Variants in CTNNA2 observed in about 807,000 individuals in gnomAD.
CTNNA2 encodes the protein catenin alpha 2, also known as catenin alpha-2.
A neutral mutation model predicts 101.0 loss-of-function variants in CTNNA2; 42 were observed. The observed-to-expected ratio is 0.42, with a 90% CI of 0.32 to 0.54. The LOEUF is 0.54. Among genes scored for constraint, CTNNA2 ranks in the 20% least tolerant of loss-of-function variants. CTNNA2 has a pLI of 0.14. For synonymous variants in CTNNA2, 450 were observed against 456.4 expected, an observed-to-expected ratio of 0.99 and a Z score of 0.18; for missense variants, 871 against 1,223.1, an observed-to-expected ratio of 0.71 and a Z score of 4.29.
chr2:79,820,258 T>A (rs1239580593), intron 3 of CTNNA2, among the ~76,000 whole-genome samples: 1 of 152,224 alleles, frequency 6.6e-6, no homozygotes, highest in Non-Finnish European at 1.5e-5. Flanking sequence ...TGTTAGTGCA[T>A]CTTCTATTAA....
intron 2 of CTNNA2, among the ~76,000 whole-genome samples, chr2:79,264,976 T>C (rs931979637): frequency 1.1e-4 from 16 of 152,276 alleles, no homozygotes; most frequent in African/African-American, 3.6e-4. Context: ...CCATCTGCTC[T>C]GCTTCTGTAC....
At chr2:80,075,979 G>A (rs1302505730) in intron 7 of CTNNA2, among the ~76,000 whole-genome samples, 2 of 151,672 alleles carry the variant, frequency 1.3e-5, no homozygotes, top group South Asian at 2.1e-4. Flanking sequence ...GTAGTTTAAG[G>A]ACTTTACCTT....
intron 7 of CTNNA2, among the ~76,000 whole-genome samples, chr2:79,933,908 G>T (rs1005207393): frequency 2.0e-5 from 3 of 152,140 alleles, no homozygotes; most frequent in Non-Finnish European, 4.4e-5. Context: ...CACATCTCCA[G>T]ATAACATTGC....
At chr2:79,303,269 G>C (rs1261487874) in intron 2 of CTNNA2, among the ~76,000 whole-genome samples, 1 of 152,158 alleles carries the variant, frequency 6.6e-6, no homozygotes, top group East Asian at 1.9e-4. Context: ...TTGTGAATGA[G>C]GTGTGGGCTA....
intron 9 of CTNNA2, among the ~76,000 whole-genome samples, chr2:80,436,774 C>T (rs1027186952): frequency 6.6e-6 from 1 of 152,128 alleles, no homozygotes; most frequent in Non-Finnish European, 1.5e-5. Flanking sequence ...CTCTGTCAGT[C>T]CTCTTTTATA....
chr2:79,987,318 C>A (rs976960909), intron 7 of CTNNA2, among the ~76,000 whole-genome samples: 1 of 152,192 alleles, frequency 6.6e-6, no homozygotes, highest in Non-Finnish European at 1.5e-5. Context: ...CTCCAGCTTG[C>A]TCACTGTCCT....
chr2:79,814,638 C>CACATATAT (rs145584853), intron 3 of CTNNA2, among the ~76,000 whole-genome samples: 23 of 147,060 alleles, frequency 1.6e-4, no homozygotes, highest in South Asian at 8.6e-4. Flanking sequence ...CACACACACA[C>CACATATAT]ATATATATAT....
At chr2:80,403,562 CT>C (rs1678776218) in intron 8 of CTNNA2, among the ~76,000 whole-genome samples, 1 of 152,172 alleles carries the variant, frequency 6.6e-6, no homozygotes, top group Admixed American at 6.5e-5. Flanking sequence ...CTGATTTACT[CT>C]TTCAGGTCTA....
intron 2 of CTNNA2, among the ~76,000 whole-genome samples, chr2:79,310,095 GC>G (rs1413019575): frequency 6.6e-6 from 1 of 151,942 alleles, no homozygotes; most frequent in Admixed American, 6.6e-5. Context: ...GTATCCAATA[GC>G]CTGTTTATTC....
At chr2:79,638,675 C>T (rs1392922533) in intron 1 of CTNNA2, among the ~76,000 whole-genome samples, 5 of 152,168 alleles carry the variant, frequency 3.3e-5, no homozygotes, top group Non-Finnish European at 1.5e-5. Context: ...TGAGGCAGGT[C>T]TATTAGGCTT....
At chr2:79,957,095 A>C (rs1416151743) in intron 7 of CTNNA2, among the ~76,000 whole-genome samples, 2 of 152,080 alleles carry the variant, frequency 1.3e-5, no homozygotes, top group Non-Finnish European at 2.9e-5. Context: ...TAGGCAGTGC[A>C]CTGTCATGGG....
intron 4 of CTNNA2, among the ~76,000 whole-genome samples, chr2:79,451,423 A>G (rs561587939): frequency 5.9e-5 from 9 of 152,242 alleles, no homozygotes; most frequent in South Asian, 2.1e-4. Flanking sequence ...GTCATTAGAC[A>G]TTTATAAATA....
chr2:79,776,998 G>A (rs992543310), intron 3 of CTNNA2: 3 of 152,172 alleles, frequency 2.0e-5, no homozygotes, highest in Non-Finnish European at 4.4e-5. Context: ...TGGCCGACTC[G>A]TGTATGTGAG....
intron 3 of CTNNA2, among the ~76,000 whole-genome samples, chr2:79,832,642 G>A (rs1679011815): frequency 6.6e-6 from 1 of 152,178 alleles, no homozygotes; most frequent in South Asian, 2.1e-4. Context: ...GAGAGAGACT[G>A]AGTGTCAGCC....
At chr2:80,250,543 G>A (rs555463816) in intron 7 of CTNNA2, among the ~76,000 whole-genome samples, 1 of 152,028 alleles carries the variant, frequency 6.6e-6, no homozygotes, top group Non-Finnish European at 1.5e-5. Flanking sequence ...AGAGAAAGGG[G>A]CTCCATTCAA....
intron 9 of CTNNA2, among the ~76,000 whole-genome samples, chr2:80,518,819 C>A (rs115411110): frequency 1.4e-3 from 212 of 152,154 alleles, no homozygotes; most frequent in African/African-American, 4.7e-3. Flanking sequence ...AACTCTATAG[C>A]CCATTATTTG....
intron 2 of CTNNA2, among the ~76,000 whole-genome samples, chr2:79,716,650 G>C (rs1285160784): frequency 6.6e-6 from 1 of 152,186 alleles, no homozygotes; most frequent in African/African-American, 2.4e-5. Context: ...GCAGTTCACA[G>C]TGAACTCTGG....
chr2:80,314,154 G>C (rs1449862202), intron 7 of CTNNA2, among the ~76,000 whole-genome samples: 1 of 152,178 alleles, frequency 6.6e-6, no homozygotes, highest in Non-Finnish European at 1.5e-5. Context: ...ATTCCAGAAA[G>C]AAAGATTAGA....
intron 9 of CTNNA2, among the ~76,000 whole-genome samples, chr2:80,524,254 G>T (rs1689831616): frequency 6.6e-6 from 1 of 152,136 alleles, no homozygotes; most frequent in Non-Finnish European, 1.5e-5. Flanking sequence ...TAAATTAGGG[G>T]TTAGAAGAGG....
Sources: gnomAD v4.1 joint callset for allele counts (sites outside exome capture counted in the v4.1 genomes callset) on GRCh38, gnomAD v4.1.1 for gene constraint, MANE v1.5 for transcripts, NCBI Gene and HGNC (gene_info 2026-07-23, HGNC 2026-07-21) for gene names.